ATP11B: variants seen among roughly 807,000 people sequenced by gnomAD.
ATP11B encodes phospholipid-transporting ATPase IF.
In ATP11B, 81 loss-of-function variants were observed where a neutral mutation model predicts 157.8. That is an observed-to-expected ratio of 0.51 (90% CI 0.43 to 0.62). The LOEUF (loss-of-function observed/expected upper bound fraction) is 0.62. ATP11B is among the 20% of genes least tolerant of loss of function. ATP11B has a pLI of 0.00. For synonymous variants in ATP11B, 451 were observed against 469.4 expected (o/e 0.96, Z 0.51); for missense variants, 1,165 against 1,402.2 (o/e 0.83, Z 2.70).
intron 1 of ATP11B, among the ~76,000 whole-genome samples, chr3:182,804,568 A>C (rs985682274): frequency 6.6e-6 from 1 of 152,094 alleles, no homozygotes; most frequent in African/African-American, 2.4e-5. Flanking sequence ...GTTCTTTCTC[A>C]TCTTCTGCGT....
intron 28 of ATP11B, among the ~76,000 whole-genome samples, chr3:182,904,587 G>A (rs1724197784): frequency 6.6e-6 from 1 of 152,152 alleles, no homozygotes; most frequent in Non-Finnish European, 1.5e-5. Flanking sequence ...AATCAAGTTA[G>A]TACTTCTTAA....
At chr3:182,794,487 A>T (rs1463618926) in intron 1 of ATP11B, among the ~76,000 whole-genome samples, 1 of 152,164 alleles carries the variant, frequency 6.6e-6, no homozygotes, top group South Asian at 2.1e-4. Context: ...CCCGAGTGAA[A>T]CTTTTCGAGT....
rs190245658 is a variant in ATP11B at position 182,850,637 on chromosome 3, G to C, written c.851+2080G>C. Among the ~76,000 whole-genome samples the C allele has an allele frequency of 8.4e-4, 128 of 152,256 alleles. 1 individual carries two copies. Among genetic ancestry groups the C allele is most frequent in the African/African-American group, 2.9e-3 (122 of 41,540 alleles). ...GAAAACTCTTATACGTGGTTGGTGG[G>C]CATGTAAGTTAGGATAGCCACTATG... On this transcript the variant is annotated intron_variant, in intron 10 of 29. Transcript: ENST00000323116.
chr3:182,883,404 CCCA>C (rs1722565206), intron 21 of ATP11B, among the ~76,000 whole-genome samples: 1 of 151,680 alleles, frequency 6.6e-6, no homozygotes, highest in African/African-American at 2.4e-5. Context: ...ATTACAGGCA[CCCA>C]CCACCATGCC....
At chr3:182,902,936 G>C (rs987728545) in intron 28 of ATP11B, among the ~76,000 whole-genome samples, 1 of 151,956 alleles carries the variant, frequency 6.6e-6, no homozygotes, top group Non-Finnish European at 1.5e-5. Context: ...TTGGAAGTGA[G>C]AGTTGCCCAT....
chr3:182,894,408 A>C (rs1166837258), intron 25 of ATP11B, among the ~76,000 whole-genome samples: 1 of 152,042 alleles, frequency 6.6e-6, no homozygotes, highest in Non-Finnish European at 1.5e-5. Flanking sequence ...CTGGTCACGA[A>C]CTCCCAACCT....
chr3:182,872,866 T>C (rs1444029135), intron 18 of ATP11B, among the ~76,000 whole-genome samples: 1 of 152,246 alleles, frequency 6.6e-6, no homozygotes, highest in East Asian at 1.9e-4. Flanking sequence ...TTCCGCTTTA[T>C]GTTTCAACAA....
In ATP11B at chr3:182,807,445, C is replaced by T. The variant is rs544969904; in HGVS notation, c.28-12815C>T. Among the ~76,000 whole-genome samples, 5 of 152,270 alleles carry T rather than the reference C, an allele frequency of 3.3e-5. No homozygotes were observed. The East Asian group carries it at 9.6e-4, about 29-fold the overall frequency. On this transcript the variant is annotated intron_variant, in intron 1 of 29. Transcript: ENST00000323116. ...CTGGCTTATATCTTAATGTGTATCTCCTCTTACACATGTTATATAGTGTAA... is the reference window on the plus strand; with the variant it reads ...CTGGCTTATATCTTAATGTGTATCTTCTCTTACACATGTTATATAGTGTAA...
chr3:182,847,614 G>A (rs1719637502), intron 9 of ATP11B, among the ~76,000 whole-genome samples: 1 of 152,126 alleles, frequency 6.6e-6, no homozygotes, highest in Non-Finnish European at 1.5e-5. Context: ...TAGGAAGAGG[G>A]CATGAAAGGT....
chr3:182,915,728 T>C, intron 29 of ATP11B: 1 of 985,278 alleles, frequency 1.0e-6, no homozygotes, highest in Non-Finnish European at 1.2e-6. Context: ...ATTCTTTACA[T>C]AGCCATTTTG....
At chr3:182,896,851 A>T (rs58929080) in intron 26 of ATP11B, 86 bp downstream of exon 26, 1 of 897,788 alleles carries the variant, frequency 1.1e-6, no homozygotes, top group African/African-American at 1.7e-5. Flanking sequence ...AGCCATAGAT[A>T]CTTTCCCTTT....
chr3:182,905,375 A>T (rs1215771067), intron 28 of ATP11B, among the ~76,000 whole-genome samples: 1 of 152,222 alleles, frequency 6.6e-6, no homozygotes, highest in African/African-American at 2.4e-5. Context: ...CCCTTTGCAC[A>T]CATGCTCAAC....
At chr3:182,835,251 G>A (rs1040499462) in intron 4 of ATP11B, among the ~76,000 whole-genome samples, 1 of 152,018 alleles carries the variant, frequency 6.6e-6, no homozygotes, top group African/African-American at 2.4e-5. Flanking sequence ...GTTGTTCAAG[G>A]GTCAACTGTA....
In ATP11B at chr3:182,873,801, G is replaced by A. The variant is rs1721836426; in HGVS notation, c.2049-11G>A. On this transcript the variant is annotated splice_polypyrimidine_tract_variant and intron_variant, in intron 18 of 29. Coordinates refer to ENST00000323116, the MANE Select transcript of ATP11B (RefSeq NM_014616.3). ...TATTCTCTACTACTAATTTGTTTCT[G>A]TTCTTTTCAGACTACAAGATAAAGT... The A allele has an allele frequency of 6.2e-7, 1 of 1,610,830 alleles. No individual in the cohort carries two copies. Among genetic ancestry groups the A allele is most frequent in the African/African-American group, 1.3e-5 (1 of 74,836 alleles).
At chr3:182,820,019 C>T (rs947317508) in intron 1 of ATP11B, among the ~76,000 whole-genome samples, 2 of 151,394 alleles carry the variant, frequency 1.3e-5, no homozygotes, top group African/African-American at 4.9e-5. Context: ...GATAATGTAC[C>T]TGTTTACCTG....
chr3:182,859,415 AC>A, intron 12 of ATP11B, 56 bp downstream of exon 12: 1 of 1,409,434 alleles, frequency 7.1e-7, no homozygotes, highest in Admixed American at 2.5e-5. Context: ...TCAAAGCAAT[AC>A]ATGGACAAAG....
At chr3:182,882,852 T>C (rs1329859891) in intron 21 of ATP11B, among the ~76,000 whole-genome samples, 1 of 152,060 alleles carries the variant, frequency 6.6e-6, no homozygotes, top group Admixed American at 6.5e-5. Flanking sequence ...AACGTTCCAG[T>C]AGAAATAATA....
At chr3:182,917,501 C>T (rs1184035633) in intron 29 of ATP11B, 1 of 985,234 alleles carries the variant, frequency 1.0e-6, no homozygotes, top group African/African-American at 1.7e-5. Context: ...TAGTGACCTA[C>T]AGGTGTCTTT....
intron 1 of ATP11B, among the ~76,000 whole-genome samples, chr3:182,813,362 C>T (rs1432996438): frequency 6.6e-6 from 1 of 152,160 alleles, no homozygotes; most frequent in East Asian, 1.9e-4. Context: ...AGTTTCTCCA[C>T]ATTTTTGCCA....
Sources: allele counts gnomAD v4.1 joint callset (sites outside exome capture counted in the v4.1 genomes callset), GRCh38; gene constraint gnomAD v4.1.1; transcripts MANE v1.5; gene names NCBI Gene and HGNC (gene_info 2026-07-23, HGNC 2026-07-21).